The following BLVRB variants were observed in gnomAD, a reference collection of about 807,000 sequenced individuals.
BLVRB encodes the protein biliverdin reductase B, also known as flavin reductase (NADPH).
In BLVRB, 25 loss-of-function variants were observed where a neutral mutation model predicts 21.1. The ratio of observed to expected loss-of-function variants is 1.19; its 90% CI spans 0.86 to 1.66. BLVRB has a LOEUF of 1.66. BLVRB is among the 40% of genes most tolerant of loss of function. BLVRB has a pLI of 0.00. For missense variants in BLVRB, 274 were observed against 282.7 expected, an observed-to-expected ratio of 0.97 and a Z score of 0.22; for synonymous variants, 128 against 122.2, an observed-to-expected ratio of 1.05 and a Z score of -0.31.
intron 3 of BLVRB, among the ~76,000 whole-genome samples, chr19:40,456,050 G>A (rs1251963297): frequency 6.6e-6 from 1 of 151,960 alleles, no homozygotes; most frequent in African/African-American, 2.4e-5. Flanking sequence ...AAAGGAATAT[G>A]GTTGTTCACA....
intron 3 of BLVRB, among the ~76,000 whole-genome samples, chr19:40,455,284 G>A (rs2079757756): frequency 6.6e-6 from 1 of 152,202 alleles, no homozygotes; most frequent in African/African-American, 2.4e-5. Context: ...AATATGGAGG[G>A]AAGATTAAAC....
chr19:40,451,388 C>T lies in BLVRB; in HGVS notation c.439G>A (p.Val147Met), dbSNP rs754195224. 19 of 1,607,960 alleles carry T rather than the reference C, an allele frequency of 1.2e-5. No homozygotes were observed. In the Middle Eastern group the frequency reaches 6.6e-4, roughly 56 times the overall value. Residue 147 changes from valine (V) to methionine (M), a missense_variant, in exon 4 of 5, where the codon GTG becomes ATG. Coordinates refer to ENST00000263368, the MANE Select transcript of BLVRB (RefSeq NM_000713.3). ...KVLRESGLKY[V>M]AVMPPHIGDQ... ...CCTATGTGTGGCGGCATCACAGCCACGTACTTCAGGCCTGATTCCCGCAGC... is the reference window on the plus strand; with the variant it reads ...CCTATGTGTGGCGGCATCACAGCCATGTACTTCAGGCCTGATTCCCGCAGC...
At chr19:40,462,251 G>C (rs1016023136) in intron 1 of BLVRB, among the ~76,000 whole-genome samples, 1 of 151,994 alleles carries the variant, frequency 6.6e-6, no homozygotes, top group Non-Finnish European at 1.5e-5. Flanking sequence ...GGGAGCAGCA[G>C]GGGCTTGCAT....
intron 1 of BLVRB, among the ~76,000 whole-genome samples, chr19:40,461,073 G>A (rs537903067): frequency 3.3e-5 from 5 of 152,244 alleles, no homozygotes; most frequent in African/African-American, 1.2e-4. Context: ...AAAAAGAGAT[G>A]GGGTTTTGCA....
chr19:40,453,884 C>T (rs1033327105), intron 3 of BLVRB, among the ~76,000 whole-genome samples: 3 of 152,136 alleles, frequency 2.0e-5, no homozygotes, highest in African/African-American at 7.2e-5. Context: ...GCTTAGAAGG[C>T]TGAGGCGAGA....
In BLVRB at chr19:40,451,382, C is replaced by T; in HGVS notation, c.445G>A (p.Val149Met). 2 of 1,606,524 alleles carry T rather than the reference C, an allele frequency of 1.2e-6. No homozygotes were observed. Among genetic ancestry groups the T allele is most frequent in the Non-Finnish European group, 8.5e-7 (1 of 1,176,844 alleles). Residue 149 changes from valine to methionine, a missense_variant, in exon 4 of 5, where the codon GTG (valine) becomes ATG (methionine). Physicochemically the swap from Val to Met is conservative, Grantham distance 21. Coordinates refer to ENST00000263368, the MANE Select transcript of BLVRB (RefSeq NM_000713.3). The stretch of plus-strand genomic sequence containing the variant: ...TGCTTACCTATGTGTGGCGGCATCA[C>T]AGCCACGTACTTCAGGCCTGATTCC... Reference protein sequence around the residue: ...LRESGLKYVAVMPPHIGDQPL... With the variant: ...LRESGLKYVAMMPPHIGDQPL...
intron 4 of BLVRB, 125 bp downstream of exon 4, chr19:40,451,239 A>T: frequency 7.2e-7 from 1 of 1,384,844 alleles, no homozygotes. Context: ...CCAAATATAT[A>T]TGTCACAATA....
chr19:40,461,310 TCC>T (rs1411249860), intron 1 of BLVRB, among the ~76,000 whole-genome samples: 4 of 152,080 alleles, frequency 2.6e-5, no homozygotes, highest in African/African-American at 9.7e-5. Context: ...CAATCCATAT[TCC>T]ACACAGCAGC....
Position 40,458,170 on chromosome 19 carries a change from C to T in BLVRB, c.319G>A (p.Val107Met), listed in dbSNP as rs1050862630. 2.0e-5 allele frequency: 32 copies of T among 1,613,902 alleles called. No individual in the cohort carries two copies. The highest frequency in any genetic ancestry group is 1.6e-4 in the Middle Eastern group (1 of 6,084). The change falls in exon 3 of 5, where the codon GTG (valine) becomes ATG (methionine). Residue 107 changes from valine to methionine, a missense_variant. By Grantham distance (21) the Val-to-Met change is conservative. Transcript: ENST00000263368. ...AMKAHGVDKV[V>M]ACTSAFLLWD... ...CACCACCCACCCGAGGTGCAGGCCA[C>T]GACCTTGTCCACACCATGAGCCTTC...
intron 1 of BLVRB, among the ~76,000 whole-genome samples, chr19:40,464,471 C>T (rs56082917): frequency 6.6e-6 from 1 of 152,088 alleles, no homozygotes; most frequent in Non-Finnish European, 1.5e-5. Flanking sequence ...TCTGAAGCTC[C>T]CTAGGCTCCA....
At position 40,447,967 on chromosome 19, in the gene BLVRB, C is replaced by G. The variant is rs1369785007; in HGVS notation, c.543G>C (p.Leu181=). ...GPSRVISKHD[L]GHFMLRCLTT... ...TGAGGCAGCGCAGCATGAAATGGCC[C>G]AGGTCATGTTTGGAGATGACCCTTG... The change falls in exon 5 of 5, where the codon CTG becomes CTC. Residue 181 remains leucine, a synonymous_variant. Transcript: ENST00000263368. The G allele has an allele frequency of 6.2e-7, 1 of 1,613,988 alleles. No individual in the cohort carries two copies. The highest frequency in any genetic ancestry group is 2.2e-5 in the East Asian group (1 of 44,870).
intron 3 of BLVRB, among the ~76,000 whole-genome samples, chr19:40,452,646 C>T (rs1453449552): frequency 6.6e-6 from 1 of 152,042 alleles, no homozygotes; most frequent in Non-Finnish European, 1.5e-5. Flanking sequence ...GGCCAGATCG[C>T]CTGAGGTTAG....
intron 4 of BLVRB, among the ~76,000 whole-genome samples, chr19:40,448,356 T>C (rs2079723494): frequency 6.6e-6 from 1 of 150,714 alleles, no homozygotes; most frequent in Admixed American, 6.6e-5. Context: ...TTTGGGAGGC[T>C]GAGACAGGAG....
intron 1 of BLVRB, among the ~76,000 whole-genome samples, chr19:40,462,495 G>C (rs1416390076): frequency 6.6e-6 from 1 of 150,960 alleles, no homozygotes; most frequent in Non-Finnish European, 1.5e-5. Flanking sequence ...AGCCAGGGTG[G>C]TCTCGATCTC....
chr19:40,462,314 T>C (rs1484892864), intron 1 of BLVRB, among the ~76,000 whole-genome samples: 1 of 149,240 alleles, frequency 6.7e-6, no homozygotes, highest in East Asian at 2.0e-4. Context: ...AGTCTCACTC[T>C]CTTGCCCAGG....
intron 1 of BLVRB, 109 bp downstream of exon 1, chr19:40,465,501 T>G: frequency 7.2e-7 from 1 of 1,386,008 alleles, no homozygotes; most frequent in Non-Finnish European, 9.9e-7. Context: ...CTCATACACC[T>G]GGCTGGGGCG....
chr19:40,450,450 G>C (rs1193403965), intron 4 of BLVRB: 1 of 146,510 alleles, frequency 6.8e-6, no homozygotes, highest in Non-Finnish European at 1.5e-5. Context: ...GGATGGTCTC[G>C]ATCTCCTGAC....
rs575342254 is a variant in BLVRB, at chr19:40,464,792, T to C, written c.79+818A>G. 2.0e-5 allele frequency among the ~76,000 whole-genome samples: 3 copies of C among 152,222 alleles called. No individual in the cohort carries two copies. In the South Asian group the frequency reaches 6.2e-4, roughly 32 times the overall value. On this transcript the variant is annotated intron_variant, in intron 1 of 4. Transcript: ENST00000263368. Reference sequence around the variant, plus strand: ...GTGGGGTCCTGTTGGCCTCCACCCTTTTGGGGCACGCAGATAGTCAATATC... The same window carrying C: ...GTGGGGTCCTGTTGGCCTCCACCCTCTTGGGGCACGCAGATAGTCAATATC...
chr19:40,448,159 G>A (rs947524932), intron 4 of BLVRB, 113 bp from the exon 5 acceptor site: 1 of 1,162,392 alleles, frequency 8.6e-7, no homozygotes, highest in African/African-American at 1.5e-5. Context: ...AGCCTGGGTG[G>A]TGTCACAGCC....
Sources: gnomAD v4.1 joint callset for allele counts (sites outside exome capture counted in the v4.1 genomes callset) on GRCh38, gnomAD v4.1.1 for gene constraint, MANE v1.5 for transcripts, NCBI Gene and HGNC (gene_info 2026-07-23, HGNC 2026-07-21) for gene names.